FMN2: variants seen among roughly 807,000 people sequenced by gnomAD.
FMN2 encodes the protein formin 2, also known as formin-2.
Under a neutral mutation model 142.3 loss-of-function variants are expected in FMN2, and 51 were observed. The observed-to-expected ratio is 0.36, with a 90% CI of 0.29 to 0.45. The LOEUF (loss-of-function observed/expected upper bound fraction) is 0.45. Among genes scored for constraint, FMN2 ranks in the 20% least tolerant of loss-of-function variants. FMN2 has a pLI of 1.00. For synonymous variants in FMN2, 882 were observed against 869.8 expected (o/e 1.01, Z -0.25); for missense variants, 1,936 against 2,122.8 (o/e 0.91, Z 1.73).
intron 6 of FMN2, among the ~76,000 whole-genome samples, chr1:240,234,014 G>A (rs1235790506): frequency 6.6e-6 from 1 of 152,132 alleles, no homozygotes; most frequent in Admixed American, 6.6e-5. Flanking sequence ...ATGTTGGAAG[G>A]ATAGAATTTT....
intron 15 of FMN2, among the ~76,000 whole-genome samples, chr1:240,423,538 GT>G (rs1380134298): frequency 6.6e-6 from 1 of 152,210 alleles, no homozygotes; most frequent in Non-Finnish European, 1.5e-5. Context: ...ATTAAATTAA[GT>G]TATACATGTG....
At chr1:240,357,768 C>T (rs1016056829) in intron 14 of FMN2, among the ~76,000 whole-genome samples, 13 of 152,150 alleles carry the variant, frequency 8.5e-5, no homozygotes, top group East Asian at 5.8e-4. Context: ...CCACCACGCC[C>T]GGCTAATTTT....
At chr1:240,449,363 G>A (rs1187474018) in intron 16 of FMN2, among the ~76,000 whole-genome samples, 1 of 152,142 alleles carries the variant, frequency 6.6e-6, no homozygotes, top group Non-Finnish European at 1.5e-5. Context: ...TCACCGCTCA[G>A]GCTTTTTGCT....
intron 7 of FMN2, among the ~76,000 whole-genome samples, chr1:240,266,705 T>A (rs1668821519): frequency 6.6e-6 from 1 of 152,014 alleles, no homozygotes. Flanking sequence ...TAGAACAATT[T>A]ATTATTACAG....
intron 8 of FMN2, among the ~76,000 whole-genome samples, chr1:240,315,299 A>G (rs1670740415): frequency 6.6e-6 from 1 of 152,214 alleles, no homozygotes; most frequent in South Asian, 2.1e-4. Flanking sequence ...GCTGGATCCT[A>G]ACTTAAAATT....
At chr1:240,389,861 G>A (rs1673547784) in intron 14 of FMN2, among the ~76,000 whole-genome samples, 1 of 152,168 alleles carries the variant, frequency 6.6e-6, no homozygotes, top group Non-Finnish European at 1.5e-5. Context: ...GAAGGCTGAA[G>A]CAGGAGGATG....
chr1:240,364,794 C>T (rs1019721929), intron 14 of FMN2, among the ~76,000 whole-genome samples: 16 of 152,238 alleles, frequency 1.1e-4, no homozygotes, highest in Admixed American at 7.2e-4. Context: ...CCTAGTACGT[C>T]GCAGACTCCC....
At chr1:240,218,615 C>G (rs1487578627) in intron 6 of FMN2, among the ~76,000 whole-genome samples, 1 of 151,942 alleles carries the variant, frequency 6.6e-6, no homozygotes, top group Non-Finnish European at 1.5e-5. Flanking sequence ...AGAGTGTTTT[C>G]TCAGCACAGC....
At chr1:240,225,009 A>C (rs1667247241) in intron 6 of FMN2, among the ~76,000 whole-genome samples, 1 of 152,200 alleles carries the variant, frequency 6.6e-6, no homozygotes, top group Non-Finnish European at 1.5e-5. Flanking sequence ...TATAAGTTTC[A>C]AGCATTAAGA....
intron 15 of FMN2, among the ~76,000 whole-genome samples, chr1:240,436,852 T>C (rs1675391773): frequency 6.6e-6 from 1 of 152,212 alleles, no homozygotes; most frequent in South Asian, 2.1e-4. Context: ...AAGTTGCCTT[T>C]GATATTTCTA....
intron 13 of FMN2, among the ~76,000 whole-genome samples, chr1:240,348,513 G>A (rs962312643): frequency 1.4e-5 from 2 of 140,834 alleles, no homozygotes; most frequent in Non-Finnish European, 3.0e-5. Flanking sequence ...ATGAGCCACC[G>A]CGCCCAGCCT....
chr1:240,159,558 T>A (rs374735675), intron 2 of FMN2, among the ~76,000 whole-genome samples: 2 of 152,082 alleles, frequency 1.3e-5, no homozygotes, highest in East Asian at 1.9e-4. Flanking sequence ...GGAAGGCTAG[T>A]GAAATGAACT....
chr1:240,390,717 AC>A (rs1383202227), intron 14 of FMN2, among the ~76,000 whole-genome samples: 4 of 152,228 alleles, frequency 2.6e-5, no homozygotes, highest in African/African-American at 9.6e-5. Context: ...GTACATGTTA[AC>A]AGATGAATCT....
intron 6 of FMN2, among the ~76,000 whole-genome samples, chr1:240,252,448 T>G (rs1420166064): frequency 3.9e-5 from 6 of 152,172 alleles, no homozygotes; most frequent in Non-Finnish European, 8.8e-5. Context: ...CCCAGTCTTT[T>G]GGTGATTAGT....
rs563551086 is a variant in FMN2 at position 240,119,187 on chromosome 1, G to A, written c.1616-3992G>A. 6.0e-4 allele frequency among the ~76,000 whole-genome samples: 92 copies of A among 152,156 alleles called. 1 individual carries two copies. Among genetic ancestry groups the A allele is most frequent in the African/African-American group, 2.2e-3 (90 of 41,528 alleles). On this transcript the variant is annotated intron_variant, in intron 1 of 17. Transcript: ENST00000319653. The stretch of plus-strand genomic sequence containing the variant: ...TACTAAAGATACAAAAAATTAGCCG[G>A]GTGTGGTGGCGCATGCCTGTAATCC...
chr1:240,313,170 C>T (rs954570446), intron 8 of FMN2, among the ~76,000 whole-genome samples: 18 of 152,304 alleles, frequency 1.2e-4, no homozygotes, highest in East Asian at 7.7e-4. Context: ...AACGATGAGT[C>T]GTCCTGGATG....
rs1386266537 is a variant in FMN2 at position 240,473,034 on chromosome 1, T to C, written c.5142+581T>C. On this transcript the variant is annotated intron_variant, in intron 17 of 17. Transcript: ENST00000319653. The surrounding 1 kb of genome is among the most constrained non-coding windows in gnomAD (Gnocchi z 4.3). ...TATGTGCATGTTGGCAGGGGCAGGG[T>C]GGGGAGACCATCTTTCACTTTCTTT... 6.6e-6 allele frequency among the ~76,000 whole-genome samples: 1 copy of C among 151,042 alleles called. No homozygotes were observed. Among genetic ancestry groups the C allele is most frequent in the Admixed American group, 6.6e-5 (1 of 15,090 alleles).
chr1:240,406,489 A>C (rs918408956), intron 15 of FMN2, among the ~76,000 whole-genome samples: 1 of 152,208 alleles, frequency 6.6e-6, no homozygotes, highest in Non-Finnish European at 1.5e-5. Context: ...AAATCCAGGT[A>C]TAGCCCCTTT....
chr1:240,132,785 TCG>T (rs1662792468), intron 2 of FMN2, among the ~76,000 whole-genome samples: 1 of 152,020 alleles, frequency 6.6e-6, no homozygotes, highest in Non-Finnish European at 1.5e-5. Flanking sequence ...GATTAGAGGG[TCG>T]CGGTATGAGG....
Sources: gnomAD v4.1 joint callset for allele counts (sites outside exome capture counted in the v4.1 genomes callset) on GRCh38, gnomAD v4.1.1 for gene constraint, Gnocchi (gnomAD v3.1) non-coding constraint, MANE v1.5 for transcripts, NCBI Gene and HGNC (gene_info 2026-07-23, HGNC 2026-07-21) for gene names.